Variants in FKBP9 observed in about 807,000 individuals in gnomAD.
The protein encoded by FKBP9 is peptidyl-prolyl cis-trans isomerase FKBP9.
A neutral mutation model predicts 55.6 loss-of-function variants in FKBP9; 27 were observed. The observed-to-expected ratio is 0.49, with a 90% CI of 0.36 to 0.67. The LOEUF (loss-of-function observed/expected upper bound fraction) is 0.67. FKBP9 is among the 30% of genes least tolerant of loss of function. The pLI is 0.00. For synonymous variants in FKBP9, 267 were observed against 296.5 expected (o/e 0.90, Z 1.02); for missense variants, 539 against 742.8 (o/e 0.73, Z 3.19).
At chr7:32,958,928 G>A (rs945433179) in intron 1 of FKBP9, among the ~76,000 whole-genome samples, 5 of 152,180 alleles carry the variant, frequency 3.3e-5, no homozygotes, top group Non-Finnish European at 5.9e-5. Flanking sequence ...ATCAGGCAGA[G>A]AGAGCTATTT....
chr7:33,005,337 C>T lies in FKBP9; in HGVS notation c.1699C>T (p.His567Tyr). The T allele has an allele frequency of 6.2e-7, 1 of 1,614,220 alleles. No individual in the cohort carries two copies. Among genetic ancestry groups the T allele is most frequent in the Non-Finnish European group, 8.5e-7 (1 of 1,180,032 alleles). Reference protein sequence around the residue: ...EFKLKDQEAKHDEL With the variant: ...EFKLKDQEAKYDEL ...TAAACTCAAAGACCAGGAAGCCAAA[C>T]ACGATGAACTCTAAACCTGGCATGA... The change falls in exon 10 of 10, where the codon CAC becomes TAC. Residue 567 changes from histidine (H) to tyrosine (Y), a missense_variant. His to Tyr is a moderately conservative substitution (Grantham distance 83). Transcript: ENST00000242209.
chr7:32,974,968 A>G (rs951560152), intron 2 of FKBP9: 2 of 634,562 alleles, frequency 3.2e-6, no homozygotes, highest in African/African-American at 3.7e-5. Context: ...GATGTACTGA[A>G]TGATACCCTC....
At chr7:32,986,822 C>T (rs117469750) in intron 5 of FKBP9, among the ~76,000 whole-genome samples, 3 of 152,114 alleles carry the variant, frequency 2.0e-5, no homozygotes, top group Admixed American at 6.5e-5. Context: ...ATGGCAGGAC[C>T]GACTGGCTCT....
chr7:32,977,249 AC>A (rs1396835842), intron 4 of FKBP9, among the ~76,000 whole-genome samples: 2 of 152,226 alleles, frequency 1.3e-5, no homozygotes, highest in African/African-American at 4.8e-5. Flanking sequence ...CAACATAGAG[AC>A]CGGTAGACAT....
chr7:32,982,788 C>A (rs1784504649), intron 5 of FKBP9, among the ~76,000 whole-genome samples: 1 of 152,160 alleles, frequency 6.6e-6, no homozygotes, highest in Non-Finnish European at 1.5e-5. Context: ...GGGATCTAGC[C>A]CATTCTAACA....
chr7:32,985,857 G>A (rs558603383), intron 5 of FKBP9, among the ~76,000 whole-genome samples: 1 of 152,186 alleles, frequency 6.6e-6, no homozygotes, highest in South Asian at 2.1e-4. Flanking sequence ...GCTGAGTGTG[G>A]TGGTGCATGC....
At position 32,957,445 on chromosome 7, in the gene FKBP9, G is replaced by C. The variant is rs976090693; in HGVS notation, c.-129G>C. On this transcript the variant is annotated 5_prime_UTR_variant, in exon 1 of 10. Transcript: ENST00000242209. ...CGGGAGGGCGGGCGGCCGGGGAGACGGGGTGGCGGCTGCAGCCCGGGTAGG... is the reference window on the plus strand; with the variant it reads ...CGGGAGGGCGGGCGGCCGGGGAGACCGGGTGGCGGCTGCAGCCCGGGTAGG... 36 of 633,676 alleles carry C rather than the reference G, an allele frequency of 5.7e-5. No individual in the cohort carries two copies. The highest frequency in any genetic ancestry group is 4.9e-4 in the Middle Eastern group (1 of 2,058). The allele number at this position is 633,676 out of a possible 1,614,324, so 39.3% of individuals were successfully genotyped here.
chr7:33,003,429 TC>T lies in FKBP9; in HGVS notation c.1536+593del, dbSNP rs1240381319. On this transcript the variant is annotated intron_variant, in intron 9 of 9. Transcript: ENST00000242209. ...TTTGCATACAAATGTGCTATTATTTTCCCTTCCCTGGATGTGTCTGTTTCTT... is the reference window on the plus strand; with the variant it reads ...TTTGCATACAAATGTGCTATTATTTTCCTTCCCTGGATGTGTCTGTTTCTT... Among the ~76,000 whole-genome samples, 11 of 152,344 alleles carry T rather than the reference TC, an allele frequency of 7.2e-5. No homozygotes were observed. The South Asian group carries it at 2.3e-3, about 32-fold the overall frequency.
chr7:32,989,581 A>AATTT (rs1163366524), intron 6 of FKBP9, among the ~76,000 whole-genome samples: 1 of 150,846 alleles, frequency 6.6e-6, no homozygotes, highest in Non-Finnish European at 1.5e-5. Context: ...ACGCCTGGCT[A>AATTT]ATTTTTTTTT....
At position 33,006,349 on chromosome 7, in the gene FKBP9, C is replaced by T. The variant is rs914334591; in HGVS notation, c.*998C>T. 1.0e-5 allele frequency: 2 copies of T among 195,922 alleles called. No individual in the cohort carries two copies. The highest frequency in any genetic ancestry group is 1.1e-5 in the Non-Finnish European group (1 of 94,320). The allele number at this position is 195,922 out of a possible 1,614,324, so 12.1% of individuals were successfully genotyped here. A position where few individuals can be genotyped will look rare whatever the true frequency, so the allele number is the denominator to read the frequency against. ...GCCAGGATGGTCTCAATCTCGACCT[C>T]GTGATCCGCCCACCTTGGCCTCCCA... On this transcript the variant is annotated 3_prime_UTR_variant, in exon 10 of 10. Transcript: ENST00000242209.
intron 5 of FKBP9, among the ~76,000 whole-genome samples, chr7:32,983,150 A>G (rs1223803819): frequency 6.6e-6 from 1 of 151,900 alleles, no homozygotes; most frequent in Non-Finnish European, 1.5e-5. Flanking sequence ...CAGCCTCCTT[A>G]GTAGCTAGGA....
intron 4 of FKBP9, chr7:32,979,340 G>T (rs1000131311): frequency 8.2e-6 from 5 of 612,530 alleles, no homozygotes; most frequent in Non-Finnish European, 1.2e-5. Flanking sequence ...TCTCTTAAAT[G>T]AAAAGATACA....
rs764653835 is a variant in FKBP9 at position 32,996,360 on chromosome 7, C to T, written c.1226+11C>T. ...CCTGCTGGACTCCACGTAAGGGCAACCAGAATGGTGTGGGAGTGAGCCTGG... is the reference window on the plus strand; with the variant it reads ...CCTGCTGGACTCCACGTAAGGGCAATCAGAATGGTGTGGGAGTGAGCCTGG... On this transcript the variant is annotated intron_variant, in intron 7 of 9. Coordinates refer to ENST00000242209, the MANE Select transcript of FKBP9 (RefSeq NM_007270.5). 3 of 1,606,610 alleles carry T rather than the reference C, an allele frequency of 1.9e-6. No individual in the cohort carries two copies. The highest frequency in any genetic ancestry group is 1.7e-6 in the Non-Finnish European group (2 of 1,174,180).
intron 6 of FKBP9, chr7:32,995,230 A>T (rs1426355203): frequency 6.6e-6 from 1 of 152,230 alleles, no homozygotes; most frequent in Non-Finnish European, 1.5e-5. Context: ...CAGAGTTGAG[A>T]TTATAGGCAT....
intron 1 of FKBP9, among the ~76,000 whole-genome samples, chr7:32,967,081 C>T (rs1169150789): frequency 6.6e-6 from 1 of 152,196 alleles, no homozygotes; most frequent in Admixed American, 6.5e-5. Context: ...CTAAAGGGCC[C>T]GGTTCCTGTC....
intron 7 of FKBP9, among the ~76,000 whole-genome samples, chr7:32,998,271 G>A (rs913286734): frequency 1.3e-5 from 2 of 152,252 alleles, no homozygotes; most frequent in East Asian, 3.9e-4. Context: ...TGTAAGGTCC[G>A]TGGCTGCTGT....
intron 6 of FKBP9, among the ~76,000 whole-genome samples, chr7:32,994,605 G>A (rs559241880): frequency 7.0e-4 from 106 of 151,708 alleles, no homozygotes; most frequent in Non-Finnish European, 1.3e-3. Flanking sequence ...AGCAGCCCCT[G>A]TTTTGAGTGA....
chr7:32,978,025 G>A (rs1230596700), intron 4 of FKBP9, among the ~76,000 whole-genome samples: 1 of 150,736 alleles, frequency 6.6e-6, no homozygotes, highest in Admixed American at 6.6e-5. Context: ...GGATTCAAGA[G>A]ATTCTCCTGC....
intron 7 of FKBP9, among the ~76,000 whole-genome samples, chr7:32,997,258 GAGA>G (rs1333419029): frequency 6.6e-6 from 1 of 152,158 alleles, no homozygotes; most frequent in Non-Finnish European, 1.5e-5. Flanking sequence ...TTTTAGCAGA[GAGA>G]AGGTTTTGCC....
Sources: allele counts gnomAD v4.1 joint callset (sites outside exome capture counted in the v4.1 genomes callset), GRCh38; gene constraint gnomAD v4.1.1; transcripts MANE v1.5; gene names NCBI Gene and HGNC (gene_info 2026-07-23, HGNC 2026-07-21).